Variants in NRXN1 observed in about 807,000 individuals in gnomAD.
The protein encoded by NRXN1 is neurexin 1, also known as neurexin-1.
In NRXN1, 39 loss-of-function variants were observed where a neutral mutation model predicts 150.9. The observed-to-expected ratio is 0.26, with a 90% CI of 0.20 to 0.34. The LOEUF (loss-of-function observed/expected upper bound fraction) is 0.34. NRXN1 is among the 10% of genes least tolerant of loss of function. NRXN1 has a pLI of 1.00. For missense variants in NRXN1, 1,815 were observed against 1,949.9 expected (o/e 0.93, Z 1.30); for synonymous variants, 924 against 757.0 (o/e 1.22, Z -3.62).
chr2:49,998,138 A>G (rs1573313873), intron 21 of NRXN1, among the ~76,000 whole-genome samples: 1 of 152,190 alleles, frequency 6.6e-6, no homozygotes, highest in East Asian at 1.9e-4. Flanking sequence ...TGAAAACCAT[A>G]GAGGTCAAAA....
chr2:50,620,714 G>A (rs1679859196), intron 7 of NRXN1, among the ~76,000 whole-genome samples: 1 of 152,146 alleles, frequency 6.6e-6, no homozygotes, highest in African/African-American at 2.4e-5. Flanking sequence ...ACAACCAGTA[G>A]AAGCGGCACA....
intron 17 of NRXN1, among the ~76,000 whole-genome samples, chr2:50,353,244 G>A (rs2078552759): frequency 6.6e-6 from 1 of 152,108 alleles, no homozygotes; most frequent in Non-Finnish European, 1.5e-5. Context: ...TGGTGCTTAA[G>A]TACCAAGTCA....
chr2:50,326,116 G>T (rs1034102832), intron 17 of NRXN1, among the ~76,000 whole-genome samples: 48 of 151,780 alleles, frequency 3.2e-4, no homozygotes, highest in Admixed American at 7.2e-4. Context: ...ACACGATTTT[G>T]TTTTTTTCAT....
intron 5 of NRXN1, among the ~76,000 whole-genome samples, chr2:50,706,679 C>T (rs1376647737): frequency 1.3e-5 from 2 of 152,092 alleles, no homozygotes; most frequent in Non-Finnish European, 2.9e-5. Flanking sequence ...CTTAGCCAAA[C>T]ATGTCAATTT....
chr2:50,925,271 G>A (rs191107164), intron 3 of NRXN1, among the ~76,000 whole-genome samples: 41 of 151,844 alleles, frequency 2.7e-4, no homozygotes, highest in Admixed American at 1.9e-3. Flanking sequence ...GATTCTACAG[G>A]AAAATATATA....
chr2:50,050,617 C>T (rs1382389435), intron 21 of NRXN1, among the ~76,000 whole-genome samples: 1 of 151,924 alleles, frequency 6.6e-6, no homozygotes, highest in African/African-American at 2.4e-5. Context: ...AAAAATAGGT[C>T]AAAGTTTACA....
At chr2:50,971,066 A>G (rs1694914204) in intron 2 of NRXN1, among the ~76,000 whole-genome samples, 1 of 152,186 alleles carries the variant, frequency 6.6e-6, no homozygotes, top group South Asian at 2.1e-4. Flanking sequence ...AAAAGGGTCT[A>G]TCTACAAACT....
At chr2:50,251,499 C>T (rs1412634470) in intron 17 of NRXN1, among the ~76,000 whole-genome samples, 1 of 152,028 alleles carries the variant, frequency 6.6e-6, no homozygotes, top group Non-Finnish European at 1.5e-5. Flanking sequence ...GTTAAGTGTA[C>T]GTGTATCTTT....
intron 18 of NRXN1, among the ~76,000 whole-genome samples, chr2:50,231,114 C>T (rs1044835480): frequency 2.0e-5 from 3 of 151,936 alleles, no homozygotes; most frequent in Non-Finnish European, 2.9e-5. Flanking sequence ...AATATATATA[C>T]AACATATGAT....
intron 17 of NRXN1, among the ~76,000 whole-genome samples, chr2:50,430,937 T>A (rs1473836487): frequency 6.6e-6 from 1 of 152,164 alleles, no homozygotes; most frequent in Non-Finnish European, 1.5e-5. Context: ...AATACACTAA[T>A]GCCTCATCCA....
chr2:50,080,655 G>C (rs900973973), intron 19 of NRXN1, among the ~76,000 whole-genome samples: 3 of 152,026 alleles, frequency 2.0e-5, no homozygotes, highest in African/African-American at 7.3e-5. Flanking sequence ...CATAGTATCA[G>C]TGCTTAAAAT....
rs2077449146 is a variant in NRXN1 at position 50,340,061 on chromosome 2, T to C, written c.3365-103091A>G. On this transcript the variant is annotated intron_variant, in intron 17 of 22. Transcript: ENST00000401669. ...TGGAAAAGCAAATGTACAGTGGCTA[T>C]ATATTAATTAGGTGAACCTGACATA... is the stretch of plus-strand genomic sequence containing the variant. Among the ~76,000 whole-genome samples, 3 of 152,216 alleles carry C rather than the reference T, an allele frequency of 2.0e-5. No individual in the cohort carries two copies. In the South Asian group the frequency reaches 6.2e-4, roughly 31 times the overall value.
intron 21 of NRXN1, among the ~76,000 whole-genome samples, chr2:49,984,036 C>A (rs62134608): frequency 2.0e-5 from 3 of 151,258 alleles, no homozygotes; most frequent in African/African-American, 7.3e-5. Context: ...TGTGGTAATA[C>A]AGCACCTGTA....
intron 17 of NRXN1, among the ~76,000 whole-genome samples, chr2:50,281,187 G>A (rs1368474055): frequency 6.6e-6 from 1 of 151,024 alleles, no homozygotes; most frequent in Admixed American, 6.6e-5. Context: ...GCATGGTGGC[G>A]GCGCCTGTGG....
In NRXN1 at chr2:50,531,171, C is replaced by CA. The variant is rs5831131; in HGVS notation, c.2347+55dup. 1,222,318 of 1,412,338 alleles carry CA rather than the reference C, an allele frequency of 0.87. 532,293 individuals carry two copies. The highest frequency in any genetic ancestry group is 0.97 in the African/African-American group (69,017 of 70,936). The allele number at this position is 1,412,338 out of a possible 1,614,324, so 87.5% of individuals were successfully genotyped here. ...AGGCTACTTGATCAATGTTTGCAGG[C>CA]AAATTGAACAAAAAGTAAAAAAGTG... On this transcript the variant is annotated intron_variant, in intron 11 of 22. Transcript: ENST00000401669.
chr2:50,987,318 C>G (rs938157416), intron 2 of NRXN1, among the ~76,000 whole-genome samples: 1 of 151,798 alleles, frequency 6.6e-6, no homozygotes, highest in African/African-American at 2.4e-5. Flanking sequence ...CCCCACAAAT[C>G]TGGATGATGT....
At chr2:50,479,767 CTTTTTT>C (rs35301086) in intron 15 of NRXN1, among the ~76,000 whole-genome samples, 7 of 79,864 alleles carry the variant, frequency 8.8e-5, no homozygotes, top group Admixed American at 4.0e-4. Context: ...ATTTCTTTTT[CTTTTTT>C]TTTTTTTTTT....
intron 18 of NRXN1, among the ~76,000 whole-genome samples, chr2:50,114,567 A>T (rs1023932664): frequency 6.6e-6 from 1 of 152,198 alleles, no homozygotes; most frequent in East Asian, 1.9e-4. Context: ...GGATGTTTAT[A>T]GCAGCTTTAT....
At position 50,937,814 on chromosome 2, in the gene NRXN1, T is replaced by A. The variant is rs543742767; in HGVS notation, c.773-11859A>T. On this transcript the variant is annotated intron_variant, in intron 2 of 22. Transcript: ENST00000401669. Reference sequence around the variant, plus strand: ...AAGATCCAATTGGGTGCTAATAAAGTCATGCATGCCTCAGAAATGGGGATA... The same window carrying A: ...AAGATCCAATTGGGTGCTAATAAAGACATGCATGCCTCAGAAATGGGGATA... Among the ~76,000 whole-genome samples, 4 of 152,264 alleles carry A rather than the reference T, an allele frequency of 2.6e-5. No individual in the cohort carries two copies. In the South Asian group the frequency reaches 6.2e-4, roughly 24 times the overall value.
Sources: allele counts gnomAD v4.1 joint callset (sites outside exome capture counted in the v4.1 genomes callset), GRCh38; gene constraint gnomAD v4.1.1; transcripts MANE v1.5; gene names NCBI Gene and HGNC (gene_info 2026-07-23, HGNC 2026-07-21).